EPB41L4A: variants seen among roughly 807,000 people sequenced by gnomAD.
EPB41L4A encodes the protein erythrocyte membrane protein band 4.1 like 4A.
Under a neutral mutation model 108.6 loss-of-function variants are expected in EPB41L4A, and 100 were observed. That is an observed-to-expected ratio of 0.92 (90% confidence interval 0.78 to 1.09). EPB41L4A has a LOEUF of 1.09. EPB41L4A is among the 50% of genes least tolerant of loss of function. The pLI is 0.00. For missense variants in EPB41L4A, 1,030 were observed against 842.7 expected (o/e 1.22, Z -2.75); for synonymous variants, 319 against 289.0 (o/e 1.10, Z -1.05).
At position 112,264,937 on chromosome 5, in the gene EPB41L4A, T is replaced by G; in HGVS notation, c.513A>C (p.Glu171Asp). The change falls in exon 6 of 23, where the codon GAA becomes GAC. Residue 171 changes from glutamate to aspartate, a missense_variant. Transcript: ENST00000261486. ...SEYRFVPDQK[E>D]ELEEAIERIH... ...TCCTTTCTATGGCTTCTTCAAGTTCTTCCTTCTGATCAGGAACAAACCGGT... is the reference window on the plus strand; with the variant it reads ...TCCTTTCTATGGCTTCTTCAAGTTCGTCCTTCTGATCAGGAACAAACCGGT... 6.2e-7 allele frequency: 1 copy of G among 1,612,650 alleles called. No individual in the cohort carries two copies. The highest frequency in any genetic ancestry group is 8.5e-7 in the Non-Finnish European group (1 of 1,179,418).
rs968266312 is a variant in EPB41L4A, at chr5:112,163,976, G to C, written c.*1014C>G. 2 of 152,214 alleles carry C rather than the reference G, an allele frequency of 1.3e-5. No individual in the cohort carries two copies. Among genetic ancestry groups the C allele is most frequent in the African/African-American group, 4.8e-5 (2 of 41,418 alleles). The allele number at this position is 152,214 out of a possible 1,614,324, so 9.4% of individuals were successfully genotyped here. ...TGTACGTGGTAAGGGGGAGATATAA[G>C]ATGTCCTGCATAAGTATTTTCCCTG... On this transcript the variant is annotated 3_prime_UTR_variant, in exon 23 of 23. Coordinates refer to ENST00000261486, the MANE Select transcript of EPB41L4A (RefSeq NM_022140.5).
intron 1 of EPB41L4A, among the ~76,000 whole-genome samples, chr5:112,390,412 T>G (rs1047022556): frequency 5.3e-5 from 8 of 152,026 alleles, no homozygotes; most frequent in African/African-American, 1.9e-4. Context: ...CCTGGCTCAG[T>G]GGGTCTCACA....
rs143520981 is a variant in EPB41L4A, at chr5:112,314,946, T to C, written c.100-7456A>G. Among the ~76,000 whole-genome samples the C allele has an allele frequency of 2.7e-3, 417 of 152,212 alleles. 3 individuals carry two copies. The highest frequency in any genetic ancestry group is 9.3e-3 in the African/African-American group (388 of 41,518). Reference sequence around the variant, plus strand: ...ATGCCCAAGGACTTTCTGAAATCAATAAATAAATTAAAATTTTGTCTTCGA... The same window carrying C: ...ATGCCCAAGGACTTTCTGAAATCAACAAATAAATTAAAATTTTGTCTTCGA... On this transcript the variant is annotated intron_variant, in intron 1 of 22. Coordinates refer to ENST00000261486, the MANE Select transcript of EPB41L4A (RefSeq NM_022140.5).
At chr5:112,181,598 C>T (rs1408312030) in intron 18 of EPB41L4A, among the ~76,000 whole-genome samples, 1 of 152,162 alleles carries the variant, frequency 6.6e-6, no homozygotes, top group Admixed American at 6.5e-5. Context: ...AACAATTCAG[C>T]TGTCCATCAA....
At chr5:112,409,618 G>C (rs1243396749) in intron 1 of EPB41L4A, among the ~76,000 whole-genome samples, 1 of 152,146 alleles carries the variant, frequency 6.6e-6, no homozygotes, top group Admixed American at 6.5e-5. Context: ...TCAACGTAAA[G>C]ATACTTTTTC....
intron 1 of EPB41L4A, among the ~76,000 whole-genome samples, chr5:112,360,425 C>T (rs1376409317): frequency 2.0e-5 from 3 of 152,318 alleles, no homozygotes; most frequent in South Asian, 4.1e-4. Context: ...AGGCGCGCAC[C>T]GCCACGCCTG....
chr5:112,168,612 A>G, intron 22 of EPB41L4A, 127 bp downstream of exon 22: 1 of 679,260 alleles, frequency 1.5e-6, no homozygotes. Flanking sequence ...TTTAAAATAC[A>G]GAATCTCAGA....
intron 12 of EPB41L4A, among the ~76,000 whole-genome samples, chr5:112,234,387 G>GA (rs1002072296): frequency 1.9e-4 from 28 of 148,524 alleles, no homozygotes; most frequent in African/African-American, 5.9e-4. Context: ...ACTCAAAAAA[G>GA]AAAAAAAAAG....
At chr5:112,366,647 A>G (rs997725060) in intron 1 of EPB41L4A, among the ~76,000 whole-genome samples, 8 of 151,902 alleles carry the variant, frequency 5.3e-5, no homozygotes, top group African/African-American at 1.9e-4. Flanking sequence ...CTTGCCTTCC[A>G]ACCCTGCTTG....
At chr5:112,381,979 C>A (rs557268248) in intron 1 of EPB41L4A, among the ~76,000 whole-genome samples, 2 of 152,292 alleles carry the variant, frequency 1.3e-5, no homozygotes, top group Admixed American at 1.3e-4. Flanking sequence ...AAATCACAGT[C>A]AATGGCATGT....
intron 9 of EPB41L4A, chr5:112,256,883 C>T (rs1408043481): frequency 6.6e-6 from 1 of 152,090 alleles, no homozygotes; most frequent in African/African-American, 2.4e-5. Flanking sequence ...GGATTTTCTA[C>T]AGTGAACATG....
At chr5:112,207,087 G>A (rs66697654) in intron 13 of EPB41L4A, 12,638 of 152,058 alleles carry the variant, frequency 0.083, 580 homozygotes, top group South Asian at 0.1. Flanking sequence ...TACAAAAACT[G>A]ACAAAAAGAC....
Position 112,279,226 on chromosome 5 carries a change from C to T in EPB41L4A, c.256+1046G>A, listed in dbSNP as rs866531967. Among the ~76,000 whole-genome samples the T allele has an allele frequency of 3.9e-5, 6 of 152,200 alleles. No homozygotes were observed. The South Asian group carries it at 1.2e-3, about 32-fold the overall frequency. Reference sequence around the variant, plus strand: ...GAGAAACAACAATGATGCTGACATTCATAGAAACAGGACTTTCGGATGGCT... The same window carrying T: ...GAGAAACAACAATGATGCTGACATTTATAGAAACAGGACTTTCGGATGGCT... On this transcript the variant is annotated intron_variant, in intron 3 of 22. Coordinates refer to ENST00000261486, the MANE Select transcript of EPB41L4A (RefSeq NM_022140.5).
intron 2 of EPB41L4A, among the ~76,000 whole-genome samples, chr5:112,283,273 T>A (rs555080912): frequency 2.6e-5 from 4 of 152,120 alleles, no homozygotes; most frequent in African/African-American, 9.7e-5. Flanking sequence ...TTGATCAAAA[T>A]GGAAACCAGG....
intron 5 of EPB41L4A, among the ~76,000 whole-genome samples, chr5:112,265,950 G>A (rs191513503): frequency 8.3e-4 from 127 of 152,280 alleles, no homozygotes; most frequent in Admixed American, 2.8e-3. Context: ...AAACTCAGAT[G>A]AGATGTAGAT....
At chr5:112,343,921 C>A (rs926614089) in intron 1 of EPB41L4A, among the ~76,000 whole-genome samples, 1 of 152,210 alleles carries the variant, frequency 6.6e-6, no homozygotes, top group Admixed American at 6.5e-5. Flanking sequence ...CCAGGTATGG[C>A]GGAATGCACC....
chr5:112,296,248 C>T (rs1307603450), intron 2 of EPB41L4A, among the ~76,000 whole-genome samples: 1 of 151,964 alleles, frequency 6.6e-6, no homozygotes, highest in African/African-American at 2.4e-5. Flanking sequence ...TTCTAAATCC[C>T]TTCTATTTTT....
intron 12 of EPB41L4A, among the ~76,000 whole-genome samples, chr5:112,234,222 A>T (rs538529461): frequency 4.2e-4 from 63 of 149,554 alleles, no homozygotes; most frequent in African/African-American, 1.5e-3. Flanking sequence ...TAAATAAAAT[A>T]AAATAAAATA....
intron 2 of EPB41L4A, among the ~76,000 whole-genome samples, chr5:112,293,036 T>C (rs1320259785): frequency 6.6e-6 from 1 of 152,166 alleles, no homozygotes; most frequent in African/African-American, 2.4e-5. Flanking sequence ...ACTGCATTTA[T>C]TGATAAGAAC....
Sources: allele counts gnomAD v4.1 joint callset (sites outside exome capture counted in the v4.1 genomes callset), GRCh38; gene constraint gnomAD v4.1.1; transcripts MANE v1.5; gene names NCBI Gene and HGNC (gene_info 2026-07-23, HGNC 2026-07-21).